Variants in AZIN2 observed in about 807,000 individuals in gnomAD.
AZIN2 encodes the protein antizyme inhibitor 2, also known as ODC antizyme inhibitor-2.
A neutral mutation model predicts 47.8 loss-of-function variants in AZIN2; 28 were observed. The ratio of observed to expected loss-of-function variants is 0.59; its 90% CI spans 0.43 to 0.80. The LOEUF (loss-of-function observed/expected upper bound fraction) is 0.80. Among genes scored for constraint, AZIN2 ranks in the 30% least tolerant of loss-of-function variants. The pLI is 0.00. For synonymous variants in AZIN2, 221 were observed against 239.4 expected (o/e 0.92, Z 0.71); for missense variants, 535 against 582.5 (o/e 0.92, Z 0.84).
the AZIN2 span, among the ~76,000 whole-genome samples, chr1:33,160,723 A>G: frequency 6.6e-6 from 1 of 152,230 alleles, no homozygotes; most frequent in Admixed American, 6.5e-5. Context: ...TATTTTAAAA[A>G]AATCATTCAT....
the AZIN2 span, among the ~76,000 whole-genome samples, chr1:33,161,597 C>T: frequency 2.6e-5 from 4 of 152,044 alleles, no homozygotes; most frequent in African/African-American, 7.2e-5. This position sits in a 1 kb window ranked among gnomAD's most constrained non-coding sequence, Gnocchi z 4.3. Flanking sequence ...CAAAGGGGGG[C>T]GGACGAGAGT....
At chr1:33,112,634 T>C (rs1456756418) in intron 10 of AZIN2, among the ~76,000 whole-genome samples, 2 of 152,226 alleles carry the variant, frequency 1.3e-5, no homozygotes, top group Non-Finnish European at 2.9e-5. Context: ...GTTTCAAAGA[T>C]ACTGGAAATT....
At chr1:33,150,246 T>C in the AZIN2 span, among the ~76,000 whole-genome samples, 33 of 152,192 alleles carry the variant, frequency 2.2e-4, no homozygotes, top group South Asian at 4.1e-4. Flanking sequence ...TCTGGCTCTT[T>C]CCTTTACTGG....
the AZIN2 span, among the ~76,000 whole-genome samples, chr1:33,136,163 CTT>C: frequency 4.1e-3 from 603 of 147,566 alleles, 7 homozygotes; most frequent in African/African-American, 0.014. Flanking sequence ...TCCTTCCTTC[CTT>C]CCTTCCTTCC....
intron 8 of AZIN2, among the ~76,000 whole-genome samples, chr1:33,094,987 ATAAGTCG>A (rs1259941767): frequency 6.6e-6 from 1 of 152,198 alleles, no homozygotes; most frequent in African/African-American, 2.4e-5. Flanking sequence ...ACACATTTAC[ATAAGTCG>A]TAAGGCTCTT....
intron 5 of AZIN2, among the ~76,000 whole-genome samples, chr1:33,091,337 T>TCC (rs773899783): frequency 9.9e-5 from 15 of 152,170 alleles, no homozygotes; most frequent in Non-Finnish European, 2.1e-4. Context: ...CCTCCTGGGT[T>TCC]CAAGTGAGTC....
the AZIN2 span, among the ~76,000 whole-genome samples, chr1:33,158,865 A>G: frequency 6.7e-6 from 1 of 149,672 alleles, no homozygotes; most frequent in Non-Finnish European, 1.5e-5. Flanking sequence ...TTTGAGACAG[A>G]GTTTCGCTCT....
In AZIN2 at chr1:33,094,529, G is replaced by T. The variant is rs963103723; in HGVS notation, c.588-19G>T. 1.1e-5 allele frequency: 17 copies of T among 1,602,148 alleles called. No homozygotes were observed. Among genetic ancestry groups the T allele is most frequent in the Non-Finnish European group, 1.5e-5 (17 of 1,170,872 alleles). ...CTTGGAGCCCTGCATGTCAGCCGAGGCTCTTCCTCTCTTCCCAGTTTTCAC... is the reference window on the plus strand; with the variant it reads ...CTTGGAGCCCTGCATGTCAGCCGAGTCTCTTCCTCTCTTCCCAGTTTTCAC... On this transcript the variant is annotated intron_variant, in intron 7 of 11. Transcript: ENST00000294517.
Position 33,120,082 on chromosome 1 carries a change from A to G in AZIN2, c.1283A>G (p.Glu428Gly), listed in dbSNP as rs1644750794. The change falls in exon 12 of 12, where the codon GAG (glutamate) becomes GGG (glycine). Residue 428 changes from glutamate to glycine, a missense_variant. Glu to Gly is a moderately conservative substitution (Grantham distance 98, BLOSUM62 -2). This residue lies in a region of AZIN2 where 122 missense variants were observed against 135.8 expected (regional missense o/e 0.90). Coordinates refer to ENST00000294517, the MANE Select transcript of AZIN2 (RefSeq NM_052998.4). The part of the protein sequence containing the change: ...LRRQLMAAEQ[E>G]DDVEGVCKPL... Reference sequence around the variant, plus strand: ...AGGCAGCTGATGGCTGCAGAACAGGAGGATGACGTGGAGGGTGTGTGCAAG... The same window carrying G: ...AGGCAGCTGATGGCTGCAGAACAGGGGGATGACGTGGAGGGTGTGTGCAAG... 1 of 1,613,920 alleles carries G rather than the reference A, an allele frequency of 6.2e-7. No homozygotes were observed. Among genetic ancestry groups the G allele is most frequent in the South Asian group, 1.1e-5 (1 of 91,096 alleles).
chr1:33,159,886 A>T, the AZIN2 span: 2 of 1,610,844 alleles, frequency 1.2e-6, no homozygotes, highest in Admixed American at 3.3e-5. This position sits in a 1 kb window ranked among gnomAD's most constrained non-coding sequence, Gnocchi z 4.2. Flanking sequence ...TTCACGCAGC[A>T]GCCGGTGCAG....
intron 8 of AZIN2, 23 bp downstream of exon 8, chr1:33,094,736 C>T (rs531693014): frequency 7.6e-5 from 123 of 1,612,644 alleles, no homozygotes; most frequent in South Asian, 5.3e-4. Flanking sequence ...CTGGGAGTGT[C>T]ATGCTGGGCT....
chr1:33,158,388 G>A, the AZIN2 span: 1 of 1,607,336 alleles, frequency 6.2e-7, no homozygotes, highest in Non-Finnish European at 8.5e-7. Context: ...GAGCAGGAAA[G>A]GGGGCTGCAC....
At chr1:33,166,647 G>A in the AZIN2 span, among the ~76,000 whole-genome samples, 2 of 152,168 alleles carry the variant, frequency 1.3e-5, no homozygotes, top group Admixed American at 1.3e-4. Context: ...TGGTAAAGAA[G>A]GAATTGGAAC....
At chr1:33,127,437 C>G (rs1203304391), downstream of AZIN2, among the ~76,000 whole-genome samples, 1 of 152,264 alleles carries the variant, frequency 6.6e-6, no homozygotes, top group African/African-American at 2.4e-5. Flanking sequence ...GGTTGAAAGA[C>G]GGAGAGGCGC....
intron 7 of AZIN2, 28 bp downstream of exon 7, chr1:33,093,444 C>A: frequency 6.2e-7 from 1 of 1,607,510 alleles, no homozygotes; most frequent in South Asian, 1.1e-5. Flanking sequence ...CTGCCATCCC[C>A]TCCCACACCA....
chr1:33,105,450 G>A (rs1272011493), intron 10 of AZIN2, among the ~76,000 whole-genome samples: 2 of 152,144 alleles, frequency 1.3e-5, no homozygotes, highest in African/African-American at 4.8e-5. Context: ...AAAGGAAAGA[G>A]GTTTAATTGA....
the AZIN2 span, chr1:33,159,948 T>G: frequency 6.9e-6 from 11 of 1,600,214 alleles, no homozygotes; most frequent in Middle Eastern, 1.7e-4. The surrounding 1 kb of genome is among the most constrained non-coding windows in gnomAD (Gnocchi z 4.2). Context: ...TGGAAGACTG[T>G]GGGGGACAGT....
At position 33,082,163 on chromosome 1, in the gene AZIN2, C is replaced by A; in HGVS notation, c.-72-15C>A. ...GGCCCCCCAGCGGTTCCCTTCATCTCCCCTCGCCCCGCAGTGTGTTGCATA... is the reference window on the plus strand; with the variant it reads ...GGCCCCCCAGCGGTTCCCTTCATCTACCCTCGCCCCGCAGTGTGTTGCATA... On this transcript the variant is annotated splice_polypyrimidine_tract_variant and intron_variant, in intron 3 of 11. Transcript: ENST00000294517. The A allele has an allele frequency of 8.7e-7, 1 of 1,149,280 alleles. No homozygotes were observed. The highest frequency in any genetic ancestry group is 1.3e-6 in the Non-Finnish European group (1 of 782,066). The allele number at this position is 1,149,280 out of a possible 1,614,324, so 71.2% of individuals were successfully genotyped here. A position where few individuals can be genotyped will look rare whatever the true frequency, so the allele number is the denominator to read the frequency against.
At chr1:33,161,231 C>T in the AZIN2 span, among the ~76,000 whole-genome samples, 2 of 152,164 alleles carry the variant, frequency 1.3e-5, no homozygotes, top group Non-Finnish European at 2.9e-5. This position sits in a 1 kb window ranked among gnomAD's most constrained non-coding sequence, Gnocchi z 4.3. Flanking sequence ...CATTGAGAGA[C>T]GGGTTCTGAG....
Sources: allele counts gnomAD v4.1 joint callset (sites outside exome capture counted in the v4.1 genomes callset), GRCh38; gene constraint gnomAD v4.1.1; regional missense constraint gnomAD v4.1.1; non-coding constraint Gnocchi (gnomAD v3.1); transcripts MANE v1.5; gene names NCBI Gene and HGNC (gene_info 2026-07-23, HGNC 2026-07-21).